ATAT1: variants seen among roughly 807,000 people sequenced by gnomAD.
ATAT1 encodes the protein alpha-tubulin N-acetyltransferase 1.
Under a neutral mutation model 57.2 loss-of-function variants are expected in ATAT1, and 42 were observed. The ratio of observed to expected loss-of-function variants is 0.73; its 90% CI spans 0.57 to 0.95. The LOEUF is 0.95. Among genes scored for constraint, ATAT1 ranks in the 40% least tolerant of loss-of-function variants. The pLI is 0.00. For synonymous variants in ATAT1, 168 were observed against 187.1 expected, an observed-to-expected ratio of 0.90 and a Z score of 0.83; for missense variants, 454 against 523.7, an observed-to-expected ratio of 0.87 and a Z score of 1.30.
At chr6:30,643,890 A>G (rs1766077044) in intron 10 of ATAT1, 1 of 1,240,732 alleles carries the variant, frequency 8.1e-7, no homozygotes, top group Non-Finnish European at 1.0e-6. Context: ...CTTGCTGTCA[A>G]ACTTTAGACC....
In ATAT1 at chr6:30,642,832, A is replaced by AGGGGGCGG; in HGVS notation, c.754_755insGGGGCGGG (p.Ala252GlyfsTer70). 8.1e-7 allele frequency: 1 copy of AGGGGGCGG among 1,230,748 alleles called. No homozygotes were observed. The highest frequency in any genetic ancestry group is 1.1e-6 in the Non-Finnish European group (1 of 892,688). 76.2% of individuals were successfully genotyped at this position (1,230,748 alleles called of 1,614,324 possible). ...GGGCCCCTCGCCGCGCCACACCTCC[A>AGGGGGCGG]GCCCACCCACCCCCCCGCTCCAGCA... On this transcript the variant is annotated frameshift_variant, in exon 10 of 13. Transcript: ENST00000330083. LOFTEE classifies it high-confidence loss of function.
intron 6 of ATAT1, among the ~76,000 whole-genome samples, chr6:30,633,037 C>G (rs1035466386): frequency 6.6e-6 from 1 of 151,734 alleles, no homozygotes; most frequent in African/African-American, 2.4e-5. Context: ...ATGGTGGTGG[C>G]TCAGACCAAG....
At chr6:30,641,707 G>A in intron 8 of ATAT1, 1 of 871,920 alleles carries the variant, frequency 1.1e-6, no homozygotes, top group Non-Finnish European at 1.4e-6. Context: ...AGGAAGGAGA[G>A]ATTGTGCCCT....
chr6:30,628,254 T>G (rs1215570174), intron 5 of ATAT1, 75 bp from the exon 6 acceptor site: 1 of 1,545,102 alleles, frequency 6.5e-7, no homozygotes, highest in Non-Finnish European at 8.9e-7. Flanking sequence ...TTCTATTCCC[T>G]TCCCAGGCTT....
chr6:30,628,695 C>T (rs746847890), intron 6 of ATAT1, among the ~76,000 whole-genome samples: 1 of 151,958 alleles, frequency 6.6e-6, no homozygotes, highest in Non-Finnish European at 1.5e-5. Flanking sequence ...ACCTCCACTT[C>T]CTGGTTTCAA....
Position 30,627,723 on chromosome 6 carries a change from C to T in ATAT1, c.220C>T (p.Arg74Ter). ...TTATATTCTCAAAGACAGTTCAGCC[C>T]GACCGTGAGTGCCACATGCTCTTCC... Residue 74 changes from arginine to a stop codon, truncating the protein, a stop_gained, in exon 3 of 13, where the codon CGA becomes TGA. Coordinates refer to ENST00000330083, the MANE Select transcript of ATAT1 (RefSeq NM_001031722.4). LOFTEE classifies it high-confidence loss of function. 6.2e-7 allele frequency: 1 copy of T among 1,612,418 alleles called. No individual in the cohort carries two copies. The highest frequency in any genetic ancestry group is 8.5e-7 in the Non-Finnish European group (1 of 1,179,460).
chr6:30,632,268 TAAAA>T (rs3058942), intron 6 of ATAT1, among the ~76,000 whole-genome samples: 1 of 117,888 alleles, frequency 8.5e-6, no homozygotes, highest in African/African-American at 3.3e-5. Flanking sequence ...GACTCCTTCT[TAAAA>T]AAAAAAAAAA....
intron 8 of ATAT1, chr6:30,641,772 T>C: frequency 9.8e-7 from 1 of 1,016,424 alleles, no homozygotes; most frequent in South Asian, 4.1e-5. Context: ...CCAAGGGCTT[T>C]GTCCATCTCA....
chr6:30,646,556 A>T lies in ATAT1; in HGVS notation c.1143A>T (p.Pro381=). 6.3e-7 allele frequency: 1 copy of T among 1,586,438 alleles called. No individual in the cohort carries two copies. Among genetic ancestry groups the T allele is most frequent in the South Asian group, 1.2e-5 (1 of 86,926 alleles). Reference sequence around the variant, plus strand: ...CTCCTCCACAGGCCCCGGCCCCGCCAGCCCAGTCCTGGACAGTGGGTGGGG... The same window carrying T: ...CTCCTCCACAGGCCCCGGCCCCGCCTGCCCAGTCCTGGACAGTGGGTGGGG... The change falls in exon 13 of 13, where the codon CCA becomes CCT. Residue 381 remains proline, a synonymous_variant. Coordinates refer to ENST00000330083, the MANE Select transcript of ATAT1 (RefSeq NM_001031722.4).
chr6:30,635,546 G>A (rs1364097016), intron 6 of ATAT1, among the ~76,000 whole-genome samples: 1 of 150,960 alleles, frequency 6.6e-6, no homozygotes, highest in Non-Finnish European at 1.5e-5. Flanking sequence ...CCGAGATCAT[G>A]CCATTGCACT....
chr6:30,646,319 G>A (rs1179497222), intron 12 of ATAT1, 150 bp from the exon 13 acceptor site: 1 of 1,446,856 alleles, frequency 6.9e-7, no homozygotes, highest in Admixed American at 2.9e-5. Context: ...TCTCTGAGAG[G>A]TTTTAAATTT....
chr6:30,643,422 CTTTA>C lies in ATAT1; in HGVS notation c.932+415_932+418del, dbSNP rs1765961952. On this transcript the variant is annotated intron_variant, in intron 10 of 12. Coordinates refer to ENST00000330083, the MANE Select transcript of ATAT1 (RefSeq NM_001031722.4). ...GCAGCAGGCAGGGAGTGGGCATTTC[CTTTA>C]TTTCTCTCCCTTTCTCTTCACCTCT... 4 of 1,517,940 alleles carry C rather than the reference CTTTA, an allele frequency of 2.6e-6. No homozygotes were observed. The South Asian group carries it at 3.8e-5, about 14-fold the overall frequency. 94.0% of individuals were successfully genotyped at this position (1,517,940 alleles called of 1,614,324 possible).
intron 6 of ATAT1, among the ~76,000 whole-genome samples, chr6:30,631,848 A>T (rs1176798798): frequency 6.6e-6 from 1 of 152,112 alleles, no homozygotes; most frequent in Non-Finnish European, 1.5e-5. Flanking sequence ...GACAGAAGGT[A>T]CCACCAGTGT....
intron 10 of ATAT1, 38 bp downstream of exon 10, chr6:30,643,049 TAA>T: frequency 1.3e-6 from 2 of 1,560,916 alleles, no homozygotes; most frequent in Non-Finnish European, 1.7e-6. Flanking sequence ...CTCACAGCTA[TAA>T]AAGAGGATGT....
chr6:30,643,303 A>C, intron 10 of ATAT1: 1 of 1,421,060 alleles, frequency 7.0e-7, no homozygotes, highest in South Asian at 1.6e-5. Flanking sequence ...AGAGCCTTCT[A>C]AGATTGGGAA....
At chr6:30,627,337 CAAAGG>C in intron 1 of ATAT1, 118 bp from the exon 2 acceptor site, 1 of 1,610,574 alleles carries the variant, frequency 6.2e-7, no homozygotes, top group Non-Finnish European at 8.5e-7. Flanking sequence ...GACTCCCAGG[CAAAGG>C]CAGGGAGCCT....
intron 1 of ATAT1, 111 bp from the exon 2 acceptor site, chr6:30,627,349 G>T: frequency 5.6e-6 from 9 of 1,609,594 alleles, no homozygotes; most frequent in Non-Finnish European, 6.8e-6. Flanking sequence ...AAGGCAGGGA[G>T]CCTTCAGTGT....
At chr6:30,635,933 C>T (rs1582810150) in intron 6 of ATAT1, among the ~76,000 whole-genome samples, 2 of 152,184 alleles carry the variant, frequency 1.3e-5, no homozygotes, top group East Asian at 3.9e-4. Context: ...TGATCTTTTG[C>T]AGATGGGAGA....
intron 6 of ATAT1, among the ~76,000 whole-genome samples, chr6:30,637,081 G>A (rs1261963335): frequency 2.6e-5 from 4 of 152,106 alleles, no homozygotes; most frequent in Non-Finnish European, 4.4e-5. Flanking sequence ...GATTACAGCC[G>A]TGAGCCACCA....
Sources: gnomAD v4.1 joint callset for allele counts (sites outside exome capture counted in the v4.1 genomes callset) on GRCh38, gnomAD v4.1.1 for gene constraint, MANE v1.5 for transcripts, NCBI Gene and HGNC (gene_info 2026-07-23, HGNC 2026-07-21) for gene names.